Variants in NALCN observed in about 807,000 individuals in gnomAD.
NALCN encodes the protein sodium leak channel NALCN.
NALCN carries 111 observed loss-of-function variants against 225.3 expected under a neutral mutation model. That is an observed-to-expected ratio of 0.49 (90% CI 0.42 to 0.58). NALCN has a LOEUF of 0.58. NALCN is among the 20% of genes least tolerant of loss of function. The probability of loss-of-function intolerance (pLI) is 0.00; values close to 1 mark genes in which losing one functional copy is unlikely to be tolerated. For missense variants in NALCN, 1,378 were observed against 2,202.4 expected, an observed-to-expected ratio of 0.63 and a Z score of 7.49; for synonymous variants, 764 against 769.0, an observed-to-expected ratio of 0.99 and a Z score of 0.11.
At chr13:101,218,206 G>A (rs1206494265) in intron 13 of NALCN, among the ~76,000 whole-genome samples, 2 of 152,156 alleles carry the variant, frequency 1.3e-5, no homozygotes, top group Non-Finnish European at 2.9e-5. Flanking sequence ...TCATCAGGAA[G>A]CCTGGAAATG....
intron 17 of NALCN, among the ~76,000 whole-genome samples, chr13:101,127,358 T>C (rs983260738): frequency 4.6e-5 from 7 of 152,022 alleles, no homozygotes; most frequent in African/African-American, 1.4e-4. Flanking sequence ...GGATGTTCTT[T>C]TGTTTTGTTT....
intron 25 of NALCN, 70 bp from the exon 26 acceptor site, chr13:101,103,409 G>A (rs975158520): frequency 3.3e-5 from 49 of 1,505,434 alleles, no homozygotes; most frequent in Middle Eastern, 1.8e-4. Context: ...TCTGACAGCC[G>A]ACTGGCCACA....
intron 10 of NALCN, among the ~76,000 whole-genome samples, chr13:101,260,104 C>T (rs748232007): frequency 2.0e-5 from 3 of 152,058 alleles, no homozygotes; most frequent in Non-Finnish European, 4.4e-5. Context: ...TGTGATCCCA[C>T]AAATAAGTGA....
chr13:101,158,872 C>A (rs941870485), intron 15 of NALCN, among the ~76,000 whole-genome samples: 2 of 152,206 alleles, frequency 1.3e-5, no homozygotes, highest in Non-Finnish European at 2.9e-5. Flanking sequence ...TTTCCTCCCA[C>A]AGCACTCTCC....
Position 101,258,487 on chromosome 13 carries a change from CTT to C in NALCN, c.1220_1221del (p.Lys407ArgfsTer23), listed in dbSNP as rs1365226586. 1 of 1,614,170 alleles carries C rather than the reference CTT, an allele frequency of 6.2e-7. No homozygotes were observed. Among genetic ancestry groups the C allele is most frequent in the Non-Finnish European group, 8.5e-7 (1 of 1,180,026 alleles). The stretch of plus-strand genomic sequence containing the variant: ...TCGTACTGCCTCCTGAAGTTTTCTC[CTT>C]TGTAGTAGTTGCTAGCCGCCACGAT... ...DVIVAASNYY[K>X]GENFRRQYDE... On this transcript the variant is annotated frameshift_variant, in exon 11 of 44. Coordinates refer to ENST00000251127, the MANE Select transcript of NALCN (RefSeq NM_052867.4). LOFTEE classifies it high-confidence loss of function.
chr13:101,323,250 T>C (rs1284655907), intron 7 of NALCN, among the ~76,000 whole-genome samples: 2 of 152,208 alleles, frequency 1.3e-5, no homozygotes, highest in Non-Finnish European at 2.9e-5. Flanking sequence ...TGATGAATAA[T>C]GAACTTGCCA....
At chr13:101,181,940 T>C (rs2039246302) in intron 14 of NALCN, among the ~76,000 whole-genome samples, 1 of 152,056 alleles carries the variant, frequency 6.6e-6, no homozygotes, top group Non-Finnish European at 1.5e-5. Flanking sequence ...GAGACCATCC[T>C]GGCTAACATG....
chr13:101,125,835 G>A (rs557827899), intron 17 of NALCN, among the ~76,000 whole-genome samples: 4 of 152,180 alleles, frequency 2.6e-5, no homozygotes, highest in Non-Finnish European at 4.4e-5. Flanking sequence ...GTGTGCACAG[G>A]GCAAGTTAAT....
At position 101,086,008 on chromosome 13, in the gene NALCN, C is replaced by T. The variant is rs576640571; in HGVS notation, c.3490-2204G>A. ...TTTTCTGTAAGTCTAATTTTCTATA[C>T]CTATAACAATACTGACACTCTTTTA... On this transcript the variant is annotated intron_variant, in intron 30 of 43. Transcript: ENST00000251127. Among the ~76,000 whole-genome samples, 3 of 152,108 alleles carry T rather than the reference C, an allele frequency of 2.0e-5. No homozygotes were observed. The East Asian group carries it at 5.8e-4, about 29-fold the overall frequency.
intron 13 of NALCN, among the ~76,000 whole-genome samples, chr13:101,214,302 G>C (rs1011048790): frequency 6.6e-6 from 1 of 151,666 alleles, no homozygotes; most frequent in African/African-American, 2.4e-5. Flanking sequence ...TCATGGGGTG[G>C]GGGGAGGTGG....
At chr13:101,108,071 TA>T in intron 20 of NALCN, among the ~76,000 whole-genome samples, 1 of 144,924 alleles carries the variant, frequency 6.9e-6, no homozygotes. Flanking sequence ...ATATTTACAA[TA>T]AATATATATC....
intron 7 of NALCN, among the ~76,000 whole-genome samples, chr13:101,308,613 T>C (rs147672298): frequency 3.9e-5 from 6 of 152,272 alleles, no homozygotes; most frequent in Admixed American, 6.5e-5. Flanking sequence ...AACTATTACA[T>C]AGACTGAGAC....
chr13:101,232,838 G>T (rs925907380), intron 12 of NALCN, among the ~76,000 whole-genome samples: 1 of 151,974 alleles, frequency 6.6e-6, no homozygotes, highest in African/African-American at 2.4e-5. Context: ...TTTATCATAA[G>T]AACTATTAAA....
At chr13:101,270,563 A>C (rs1024836191) in intron 10 of NALCN, among the ~76,000 whole-genome samples, 3 of 152,186 alleles carry the variant, frequency 2.0e-5, no homozygotes, top group Admixed American at 2.0e-4. Flanking sequence ...AAATAAAATA[A>C]TTTTGAGCTA....
intron 15 of NALCN, among the ~76,000 whole-genome samples, chr13:101,158,807 C>A (rs962645767): frequency 6.6e-6 from 1 of 152,142 alleles, no homozygotes; most frequent in African/African-American, 2.4e-5. Flanking sequence ...TGCGCTTTGG[C>A]AAAGGAGGAA....
At chr13:101,328,239 A>G (rs1337940622) in intron 7 of NALCN, among the ~76,000 whole-genome samples, 1 of 152,218 alleles carries the variant, frequency 6.6e-6, no homozygotes, top group African/African-American at 2.4e-5. Flanking sequence ...TTTATTCCCA[A>G]TGAAAGTCTC....
intron 15 of NALCN, 118 bp from the exon 16 acceptor site, chr13:101,145,014 G>A: frequency 8.9e-7 from 1 of 1,121,142 alleles, no homozygotes; most frequent in South Asian, 2.1e-5. Context: ...CCAGTAGATG[G>A]CAGCAAAGGC....
chr13:101,218,334 T>C (rs1194692035), intron 13 of NALCN, among the ~76,000 whole-genome samples: 1 of 152,108 alleles, frequency 6.6e-6, no homozygotes, highest in African/African-American at 2.4e-5. Flanking sequence ...CAGAAATGTA[T>C]TGTCTCACAG....
intron 17 of NALCN, among the ~76,000 whole-genome samples, chr13:101,140,033 A>G (rs868775824): frequency 1.3e-5 from 2 of 152,200 alleles, no homozygotes; most frequent in Non-Finnish European, 1.5e-5. Flanking sequence ...GTGGATCCTG[A>G]AAAGAATTAA....
Sources: gnomAD v4.1 joint callset for allele counts (sites outside exome capture counted in the v4.1 genomes callset) on GRCh38, gnomAD v4.1.1 for gene constraint, MANE v1.5 for transcripts, NCBI Gene and HGNC (gene_info 2026-07-23, HGNC 2026-07-21) for gene names.